SLC25A32: variants seen among roughly 807,000 people sequenced by gnomAD.
SLC25A32 encodes the protein Glycine auxotroph B, complementation of hamster.
In SLC25A32, 32 loss-of-function variants were observed where a neutral mutation model predicts 39.0. That is an observed-to-expected ratio of 0.82 (90% CI 0.62 to 1.10). SLC25A32 has a LOEUF of 1.10. SLC25A32 is among the 50% of genes least tolerant of loss of function. The pLI is 0.00. For synonymous variants in SLC25A32, 166 were observed against 152.4 expected, an observed-to-expected ratio of 1.09 and a Z score of -0.66; for missense variants, 367 against 395.3, an observed-to-expected ratio of 0.93 and a Z score of 0.61.
chr8:103,403,782 C>T (rs1056312111), intron 3 of SLC25A32, among the ~76,000 whole-genome samples: 1 of 152,174 alleles, frequency 6.6e-6, no homozygotes, highest in Non-Finnish European at 1.5e-5. Flanking sequence ...TCTACCCCAA[C>T]TTTATCACAA....
Position 103,400,542 on chromosome 8 carries a change from CTT to C in SLC25A32, c.815_816del (p.Lys272ArgfsTer13). On this transcript the variant is annotated frameshift_variant and splice_region_variant, in exon 7 of 7. Transcript: ENST00000297578. LOFTEE classifies it high-confidence loss of function. ...VIDVITKTWRKEGVGGFYKGI... is the reference protein window; with the variant it reads ...VIDVITKTWRXEGVGGFYKGI... The stretch of plus-strand genomic sequence containing the variant: ...CCCTTGTAAAATCCACCGACGCCTT[CTT>C]TCCTTTAGAGGGAAAAATAGATAAT... 1 of 1,613,806 alleles carries C rather than the reference CTT, an allele frequency of 6.2e-7. No individual in the cohort carries two copies. Among genetic ancestry groups the C allele is most frequent in the Non-Finnish European group, 8.5e-7 (1 of 1,179,920 alleles).
intron 1 of SLC25A32, 91 bp from the exon 2 acceptor site, chr8:103,407,875 A>T: frequency 9.7e-7 from 1 of 1,027,838 alleles, no homozygotes; most frequent in South Asian, 3.1e-5. Context: ...GGTTATATAA[A>T]GGAGATAAAC....
At chr8:103,401,833 C>A in intron 5 of SLC25A32, 108 bp downstream of exon 5, 1 of 993,822 alleles carries the variant, frequency 1.0e-6, no homozygotes, top group Non-Finnish European at 1.5e-6. Context: ...AGTGGCAGAG[C>A]CAGTACTCAT....
intron 2 of SLC25A32, among the ~76,000 whole-genome samples, chr8:103,407,325 C>T (rs1466855464): frequency 6.6e-6 from 1 of 152,176 alleles, no homozygotes; most frequent in Non-Finnish European, 1.5e-5. Flanking sequence ...AATGGCTTCT[C>T]TAAAAGTATC....
At chr8:103,410,629 G>C (rs1417047614) in intron 1 of SLC25A32, among the ~76,000 whole-genome samples, 1 of 152,074 alleles carries the variant, frequency 6.6e-6, no homozygotes, top group Non-Finnish European at 1.5e-5. Flanking sequence ...AAAGGTTAGG[G>C]ACCACTGGCT....
At chr8:103,400,578 T>C in intron 6 of SLC25A32, 32 bp from the exon 7 acceptor site, 1 of 1,611,806 alleles carries the variant, frequency 6.2e-7, no homozygotes, top group Non-Finnish European at 8.5e-7. Flanking sequence ...ATGCTTAATT[T>C]TGTATAGAGC....
rs758288781 is a variant in SLC25A32, at chr8:103,402,026, G to A, written c.581C>T (p.Ser194Leu). Residue 194 changes from serine to leucine, a missense_variant, in exon 5 of 7, where the codon TCG becomes TTG. Ser to Leu is a moderately radical substitution (Grantham distance 145). Transcript: ENST00000297578. Reference protein sequence around the residue: ...KGFVPGLFGTSHGALQFMAYE... With the variant: ...KGFVPGLFGTLHGALQFMAYE... ...TGCCATAAACTGAAGGGCACCATGC[G>A]ATGTTCCAAACAGCCCAGGAACAAA... 2.4e-5 allele frequency: 38 copies of A among 1,612,670 alleles called. No homozygotes were observed. The highest frequency in any genetic ancestry group is 1.7e-4 in the Middle Eastern group (1 of 6,058).
intron 6 of SLC25A32, among the ~76,000 whole-genome samples, chr8:103,401,004 G>T (rs1159607365): frequency 6.6e-6 from 1 of 152,276 alleles, no homozygotes; most frequent in South Asian, 2.1e-4. Flanking sequence ...TTCTTGAATT[G>T]AATTAAATTT....
rs1156844199 is a variant in SLC25A32 at position 103,399,485 on chromosome 8, A to AT, written c.*925dup. 1 of 152,204 alleles carries AT rather than the reference A, an allele frequency of 6.6e-6. No homozygotes were observed. The highest frequency in any genetic ancestry group is 1.5e-5 in the Non-Finnish European group (1 of 68,032). The allele number at this position is 152,204 out of a possible 1,614,324, so 9.4% of individuals were successfully genotyped here. A position where few individuals can be genotyped will look rare whatever the true frequency, so the allele number is the denominator to read the frequency against. Reference sequence around the variant, plus strand: ...GAAAAAAAATAGCAATGGAATGACAATAGATGTCAGATATTTCTCTGAGAA... The same window carrying AT: ...GAAAAAAAATAGCAATGGAATGACAATTAGATGTCAGATATTTCTCTGAGAA... On this transcript the variant is annotated 3_prime_UTR_variant, in exon 7 of 7. Transcript: ENST00000297578.
In SLC25A32 at chr8:103,415,056, G is replaced by C. The variant is rs780867938; in HGVS notation, c.-119C>G. 1.9e-6 allele frequency: 3 copies of C among 1,600,622 alleles called. No homozygotes were observed. The highest frequency in any genetic ancestry group is 2.2e-5 in the South Asian group (2 of 90,242). Reference sequence around the variant, plus strand: ...GCGCAACCCCACCTCCGGGACCAACGAGAGGACTCTTATGCCCAAGGCGCG... The same window carrying C: ...GCGCAACCCCACCTCCGGGACCAACCAGAGGACTCTTATGCCCAAGGCGCG... On this transcript the variant is annotated 5_prime_UTR_variant, in exon 1 of 7. Coordinates refer to ENST00000297578, the MANE Select transcript of SLC25A32 (RefSeq NM_030780.5).
intron 5 of SLC25A32, 114 bp from the exon 6 acceptor site, chr8:103,401,775 G>T: frequency 9.3e-7 from 1 of 1,071,200 alleles, no homozygotes; most frequent in South Asian, 1.8e-5. Context: ...TTCTATTTTT[G>T]ACATTTGTGT....
Position 103,400,344 on chromosome 8 carries a change from T to C in SLC25A32, c.*67A>G. 6.4e-7 allele frequency: 1 copy of C among 1,566,850 alleles called. No individual in the cohort carries two copies. Among genetic ancestry groups the C allele is most frequent in the South Asian group, 1.1e-5 (1 of 87,376 alleles). On this transcript the variant is annotated 3_prime_UTR_variant, in exon 7 of 7. Coordinates refer to ENST00000297578, the MANE Select transcript of SLC25A32 (RefSeq NM_030780.5). ...ATGTTTCTATGCAGAATTCTTCTTT[T>C]ATGCCTTAAACACAAAAGAGCTTGT...
At chr8:103,401,796 T>G (rs1816224300) in intron 5 of SLC25A32, 135 bp from the exon 6 acceptor site, 1 of 962,568 alleles carries the variant, frequency 1.0e-6, no homozygotes, top group East Asian at 2.7e-5. Flanking sequence ...GGCTTCAGCC[T>G]ATAAATATTT....
Sources: gnomAD v4.1 joint callset for allele counts (sites outside exome capture counted in the v4.1 genomes callset) on GRCh38, gnomAD v4.1.1 for gene constraint, MANE v1.5 for transcripts, NCBI Gene and HGNC (gene_info 2026-07-23, HGNC 2026-07-21) for gene names.